CEP131: variants seen among roughly 807,000 people sequenced by gnomAD.
The protein encoded by CEP131 is centrosomal protein of 131 kDa.
A neutral mutation model predicts 136.8 loss-of-function variants in CEP131; 99 were observed. That is an observed-to-expected ratio of 0.72 (90% CI 0.62 to 0.86). CEP131 has a LOEUF of 0.86. CEP131 is among the 40% of genes least tolerant of loss of function. CEP131 has a pLI of 0.00. For missense variants in CEP131, 1,459 were observed against 1,463.0 expected, an observed-to-expected ratio of 1.00 and a Z score of 0.04; for synonymous variants, 646 against 612.7, an observed-to-expected ratio of 1.05 and a Z score of -0.80.
chr17:81,214,483 G>A (rs1243987654), intron 2 of CEP131, among the ~76,000 whole-genome samples: 1 of 152,008 alleles, frequency 6.6e-6, no homozygotes, highest in Non-Finnish European at 1.5e-5. Context: ...TTGAACCCAG[G>A]AGACAGAGAT....
chr17:81,191,832 C>T (rs1374080139), intron 21 of CEP131, among the ~76,000 whole-genome samples: 3 of 152,214 alleles, frequency 2.0e-5, no homozygotes, highest in Non-Finnish European at 4.4e-5. Flanking sequence ...GACATCCCAG[C>T]CCACCAGGGT....
intron 7 of CEP131, among the ~76,000 whole-genome samples, 193 bp from the exon 8 acceptor site, chr17:81,200,639 T>A (rs1482823071): frequency 6.6e-6 from 1 of 152,144 alleles, no homozygotes; most frequent in African/African-American, 2.4e-5. Flanking sequence ...CCAGCTCCAC[T>A]AAAACCCAAA....
At chr17:81,198,826 G>C in intron 11 of CEP131, 51 bp downstream of exon 11, 1 of 1,516,004 alleles carries the variant, frequency 6.6e-7, no homozygotes, top group African/African-American at 1.4e-5. Context: ...GCACAGACAT[G>C]GCCCTTAAAG....
chr17:81,191,184 G>C lies in CEP131; in HGVS notation c.2765+9C>G, dbSNP rs558821723. ...CCCAGCTGGTGACCCAGCCATGGCG[G>C]GTCCTTACCGGCTCTCGGCAGCCTT... On this transcript the variant is annotated intron_variant, in intron 22 of 25. Coordinates refer to ENST00000450824, the MANE Select transcript of CEP131 (RefSeq NM_014984.4). The C allele has an allele frequency of 2.5e-6, 4 of 1,609,842 alleles. No individual in the cohort carries two copies. Among genetic ancestry groups the C allele is most frequent in the Non-Finnish European group, 3.4e-6 (4 of 1,178,006 alleles).
chr17:81,215,044 T>C lies in CEP131; in HGVS notation c.177+4836A>G, dbSNP rs1224420470. ...TGCTTGCCTCAACCTCCCAAAGTGC[T>C]GGGATTACAGGCATGAGCCACCGCG... On this transcript the variant is annotated intron_variant, in intron 2 of 25. Coordinates refer to ENST00000450824, the MANE Select transcript of CEP131 (RefSeq NM_014984.4). The surrounding 1 kb of genome is among the most constrained non-coding windows in gnomAD (Gnocchi z 4.1). Among the ~76,000 whole-genome samples, 1 of 151,982 alleles carries C rather than the reference T, an allele frequency of 6.6e-6. No homozygotes were observed. Among genetic ancestry groups the C allele is most frequent in the African/African-American group, 2.4e-5 (1 of 41,364 alleles).
rs941790712 is a variant in CEP131, at chr17:81,203,687, G to A, written c.516-80C>T. The A allele has an allele frequency of 1.1e-5, 13 of 1,133,780 alleles. No homozygotes were observed. Among genetic ancestry groups the A allele is most frequent in the Admixed American group, 6.3e-5 (3 of 47,430 alleles). The allele number at this position is 1,133,780 out of a possible 1,614,324, so 70.2% of individuals were successfully genotyped here. A position where few individuals can be genotyped will look rare whatever the true frequency, so the allele number is the denominator to read the frequency against. Reference sequence around the variant, plus strand: ...GATCTCAGAGCTACACTCGCAGCACGGGCTGGGAGGGAACAAAGGCCTTCA... The same window carrying A: ...GATCTCAGAGCTACACTCGCAGCACAGGCTGGGAGGGAACAAAGGCCTTCA... On this transcript the variant is annotated intron_variant, in intron 5 of 25. Transcript: ENST00000450824. This position sits in a 1 kb window ranked among gnomAD's most constrained non-coding sequence, Gnocchi z 4.6.
chr17:81,206,426 G>A lies in CEP131; in HGVS notation c.515+318C>T, dbSNP rs1022787535. 2.0e-5 allele frequency among the ~76,000 whole-genome samples: 3 copies of A among 152,052 alleles called. No individual in the cohort carries two copies. In the South Asian group the frequency reaches 6.2e-4, roughly 31 times the overall value. ...AGCTGCCTGGAGTCTATTTCTTTTG[G>A]AGCTTCCCCAGGACCCCCTACAAGC... On this transcript the variant is annotated intron_variant, in intron 5 of 25. Coordinates refer to ENST00000450824, the MANE Select transcript of CEP131 (RefSeq NM_014984.4).
chr17:81,192,415 C>T, intron 20 of CEP131, 23 bp from the exon 21 acceptor site: 1 of 1,611,414 alleles, frequency 6.2e-7, no homozygotes, highest in Non-Finnish European at 8.5e-7. Context: ...CATAAGAGGC[C>T]AGTCAGTCCC....
chr17:81,199,999 C>A, intron 8 of CEP131, 164 bp from the exon 9 acceptor site: 1 of 720,250 alleles, frequency 1.4e-6, no homozygotes, highest in Non-Finnish European at 2.4e-6. Flanking sequence ...TGCCATTTCT[C>A]TGCTCTACAG....
Position 81,203,679 on chromosome 17 carries a change from C to G in CEP131, c.516-72G>C. On this transcript the variant is annotated intron_variant, in intron 5 of 25. Coordinates refer to ENST00000450824, the MANE Select transcript of CEP131 (RefSeq NM_014984.4). This position sits in a 1 kb window ranked among gnomAD's most constrained non-coding sequence, Gnocchi z 4.6. ...ACGCCTGAGATCTCAGAGCTACACTCGCAGCACGGGCTGGGAGGGAACAAA... is the reference window on the plus strand; with the variant it reads ...ACGCCTGAGATCTCAGAGCTACACTGGCAGCACGGGCTGGGAGGGAACAAA... 1 of 1,228,364 alleles carries G rather than the reference C, an allele frequency of 8.1e-7. No individual in the cohort carries two copies. The highest frequency in any genetic ancestry group is 1.3e-5 in the South Asian group (1 of 75,202). The allele number at this position is 1,228,364 out of a possible 1,614,324, so 76.1% of individuals were successfully genotyped here. A position where few individuals can be genotyped will look rare whatever the true frequency, so the allele number is the denominator to read the frequency against.
chr17:81,192,988 A>C, intron 18 of CEP131, 145 bp from the exon 19 acceptor site: 1 of 1,362,598 alleles, frequency 7.3e-7, no homozygotes, highest in Non-Finnish European at 9.7e-7. Context: ...TCGGCAGTCA[A>C]GGCCCCTCAA....
chr17:81,219,829 C>G lies in CEP131; in HGVS notation c.177+51G>C, dbSNP rs1405831434. On this transcript the variant is annotated intron_variant, in intron 2 of 25. Transcript: ENST00000450824. This position sits in a 1 kb window ranked among gnomAD's most constrained non-coding sequence, Gnocchi z 4.0. ...ACCCAGGGGTCAGATGCCAACTGAA[C>G]AACAGCCCTCCAGGAGGCAGGGGCC... The G allele has an allele frequency of 5.4e-6, 8 of 1,487,638 alleles. No homozygotes were observed. The highest frequency in any genetic ancestry group is 7.2e-6 in the Non-Finnish European group (8 of 1,110,708). The allele number at this position is 1,487,638 out of a possible 1,614,324, so 92.2% of individuals were successfully genotyped here.
At chr17:81,195,595 C>T (rs1428283095) in intron 16 of CEP131, among the ~76,000 whole-genome samples, 2 of 152,306 alleles carry the variant, frequency 1.3e-5, no homozygotes, top group Non-Finnish European at 2.9e-5. Flanking sequence ...AGGGACTGTG[C>T]GTCCACATCT....
rs1346342916 is a variant in CEP131, at chr17:81,199,733, G to A, written c.1009C>T (p.Arg337Ter). The change falls in exon 9 of 26, where the codon CGA (arginine) becomes TGA (stop). Residue 337 changes from arginine to a stop codon, truncating the protein, a stop_gained. Transcript: ENST00000450824. LOFTEE classifies it high-confidence loss of function. ...AREEKARQARRAAIQELQQKR... is the reference protein window; with the variant it reads ...AREEKARQAR ...GCGGTCAGCACCTGAATGGCTGCTC[G>A]CCTGGCTTGGCGTGCCTTCTCCTCC... The A allele has an allele frequency of 5.0e-6, 8 of 1,609,488 alleles. No individual in the cohort carries two copies. Among genetic ancestry groups the A allele is most frequent in the East Asian group, 2.2e-5 (1 of 44,888 alleles).
chr17:81,192,685 G>GGGGGGGGGCCCCCC, intron 19 of CEP131, 51 bp downstream of exon 19: 3 of 478,428 alleles, frequency 6.3e-6, no homozygotes, highest in Non-Finnish European at 1.2e-5. Flanking sequence ...GGGGGGAGGG[G>GGGGGGGGGCCCCCC]TCAGCCAGCG....
intron 21 of CEP131, 46 bp from the exon 22 acceptor site, chr17:81,191,381 C>T (rs535844505): frequency 6.2e-6 from 10 of 1,608,342 alleles, no homozygotes; most frequent in South Asian, 3.3e-5. Context: ...GGAGCCGGCC[C>T]GCGGGGCCAG....
At chr17:81,222,016 T>C (rs1385660130) in intron 1 of CEP131, among the ~76,000 whole-genome samples, 2 of 152,086 alleles carry the variant, frequency 1.3e-5, no homozygotes, top group Non-Finnish European at 2.9e-5. Context: ...TCCTCAGTTA[T>C]GCACTTCCGG....
In CEP131 at chr17:81,193,927, G is replaced by A. The variant is rs751611734; in HGVS notation, c.2320C>T (p.Arg774Trp). ...CACCGGCCTGGGGCCACCACCCACC[G>A]CTGCCGAGCACGTTCGCGCTCCTGC... ...GQQERERARQ[R>W]FQQHLEQEQW... Residue 774 changes from arginine (R) to tryptophan (W), a missense_variant and splice_region_variant, in exon 18 of 26, where the codon CGG (arginine) becomes TGG (tryptophan). Arg to Trp is a moderately radical substitution (Grantham distance 101, BLOSUM62 -3). This residue lies in a region of CEP131 where 1,026 missense variants were observed against 964.2 expected (regional missense o/e 1.06). Transcript: ENST00000450824. 7.6e-5 allele frequency: 116 copies of A among 1,533,432 alleles called. 3 individuals are homozygous for A. The South Asian group carries it at 1.2e-3, about 16-fold the overall frequency. The allele number at this position is 1,533,432 out of a possible 1,614,324, so 95.0% of individuals were successfully genotyped here. A position where few individuals can be genotyped will look rare whatever the true frequency, so the allele number is the denominator to read the frequency against.
Position 81,200,276 on chromosome 17 carries a change from T to TCTGGGCCAGACCCCCC in CEP131, c.906+37_906+52dup. 4.9e-6 allele frequency: 7 copies of TCTGGGCCAGACCCCCC among 1,418,256 alleles called. No homozygotes were observed. In the South Asian group the frequency reaches 8.6e-5, roughly 17 times the overall value. The allele number at this position is 1,418,256 out of a possible 1,614,324, so 87.9% of individuals were successfully genotyped here. On this transcript the variant is annotated intron_variant, in intron 8 of 25. Transcript: ENST00000450824. Reference sequence around the variant, plus strand: ...TCCCAGAAACTCAAACCCCTGGGATTCTGGGCCAGACCCCCCGGGGGAGCA... The same window carrying TCTGGGCCAGACCCCCC: ...TCCCAGAAACTCAAACCCCTGGGATTCTGGGCCAGACCCCCCCTGGGCCAGACCCCCCGGGGGAGCA...
Sources: allele counts gnomAD v4.1 joint callset (sites outside exome capture counted in the v4.1 genomes callset), GRCh38; gene constraint gnomAD v4.1.1; regional missense constraint gnomAD v4.1.1; non-coding constraint Gnocchi (gnomAD v3.1); transcripts MANE v1.5; gene names NCBI Gene and HGNC (gene_info 2026-07-23, HGNC 2026-07-21).